Variants in UTP20 observed in about 807,000 individuals in gnomAD.
The protein encoded by UTP20 is UTP20 small subunit processome component.
In UTP20, 164 loss-of-function variants were observed where a neutral mutation model predicts 329.5. The observed-to-expected ratio is 0.50, with a 90% CI of 0.44 to 0.57. UTP20 has a LOEUF of 0.57. Among genes scored for constraint, UTP20 ranks in the 20% least tolerant of loss-of-function variants. UTP20 has a pLI of 0.00. For synonymous variants in UTP20, 1,151 were observed against 1,159.3 expected (o/e 0.99, Z 0.14); for missense variants, 3,055 against 3,284.2 (o/e 0.93, Z 1.71).
intron 3 of UTP20, 49 bp downstream of exon 3, chr12:101,285,685 T>C: frequency 6.2e-7 from 1 of 1,613,638 alleles, no homozygotes; most frequent in Non-Finnish European, 8.5e-7. Flanking sequence ...TTGCACTTTA[T>C]ATGTTCCATA....
chr12:101,295,425 ATCTTC>A, intron 11 of UTP20, 50 bp from the exon 12 acceptor site: 1 of 1,449,882 alleles, frequency 6.9e-7, no homozygotes, highest in Non-Finnish European at 9.2e-7. Flanking sequence ...AATTGTTAGC[ATCTTC>A]TCTTTATTAT....
Position 101,373,601 on chromosome 12 carries a change from A to G in UTP20, c.6965A>G (p.Asn2322Ser), listed in dbSNP as rs199641573. ...TTCTTTTAGGGGCTGCTCCATGAGA[A>G]CTGCGGAATGTTCTTTATCCCTCTT... Reference protein sequence around the residue: ...DTFPQGLLHENCGMFFIPLCL... With the variant: ...DTFPQGLLHESCGMFFIPLCL... Residue 2322 changes from asparagine (N) to serine (S), a missense_variant, in exon 54 of 62, where the codon AAC becomes AGC. By Grantham distance (46) the Asn-to-Ser change is conservative (BLOSUM62 1). Around this residue, in one of 3 missense-constraint regions of UTP20, gnomAD observed 273 missense variants for 363.1 expected, o/e 0.75. Transcript: ENST00000261637. The G allele has an allele frequency of 2.5e-6, 4 of 1,611,254 alleles. No homozygotes were observed. The highest frequency in any genetic ancestry group is 4.5e-5 in the East Asian group (2 of 44,850).
At chr12:101,296,487 C>A (rs927219081) in intron 12 of UTP20, among the ~76,000 whole-genome samples, 1 of 151,166 alleles carries the variant, frequency 6.6e-6, no homozygotes, top group Non-Finnish European at 1.5e-5. Flanking sequence ...AGGAGAATGG[C>A]GTGAACCCGG....
intron 28 of UTP20, 133 bp from the exon 29 acceptor site, chr12:101,334,292 G>T (rs1593437295): frequency 4.4e-6 from 3 of 678,600 alleles, no homozygotes; most frequent in South Asian, 2.1e-5. Flanking sequence ...TTCTTATTGT[G>T]TCATTTGGAT....
At chr12:101,329,593 T>C (rs1042907496) in intron 27 of UTP20, 144 bp downstream of exon 27, 3 of 754,842 alleles carry the variant, frequency 4.0e-6, no homozygotes, top group African/African-American at 3.5e-5. Flanking sequence ...TTGTAAATGA[T>C]TTAAGTGAAA....
Position 101,370,719 on chromosome 12 carries a change from C to T in UTP20, c.6687+156C>T, listed in dbSNP as rs374732395. Among the ~76,000 whole-genome samples, 4 of 152,306 alleles carry T rather than the reference C, an allele frequency of 2.6e-5. No individual in the cohort carries two copies. The East Asian group carries it at 5.8e-4, about 22-fold the overall frequency. On this transcript the variant is annotated intron_variant, in intron 50 of 61. Transcript: ENST00000261637. ...TTTTGGTGGGTCAATTACAGGTGAA[C>T]ATTTGCTTATGAAAAATGTTTAAAT...
Position 101,290,162 on chromosome 12 carries a change from A to G in UTP20, c.623A>G (p.Asn208Ser), listed in dbSNP as rs974542710. ...RKVSDKNALF[N>S]LMFLDLDKHP... ...GTCTCTGATAAAAACGCACTTTTCA[A>G]TTTAATGTTTCTTGATCTTGATAAA... Residue 208 changes from asparagine (N) to serine (S), a missense_variant, in exon 7 of 62, where the codon AAT (asparagine) becomes AGT (serine). Transcript: ENST00000261637. 2 of 1,600,934 alleles carry G rather than the reference A, an allele frequency of 1.2e-6. No homozygotes were observed. The highest frequency in any genetic ancestry group is 1.7e-6 in the Non-Finnish European group (2 of 1,172,900).
intron 37 of UTP20, 105 bp from the exon 38 acceptor site, chr12:101,346,346 G>A: frequency 7.3e-7 from 1 of 1,363,926 alleles, no homozygotes; most frequent in Non-Finnish European, 9.8e-7. Context: ...CACCGCACCT[G>A]GCCACTCCTT....
At chr12:101,343,466 T>G (rs527572452) in intron 35 of UTP20, among the ~76,000 whole-genome samples, 1 of 152,266 alleles carries the variant, frequency 6.6e-6, no homozygotes, top group African/African-American at 2.4e-5. Flanking sequence ...CTGGAATTAG[T>G]GGTGATGATC....
rs1206682656 is a variant in UTP20, at chr12:101,377,242, C to T, written c.7396+1486C>T. ...GATTATTACAAAGATTCATGTAGAT[C>T]AAAAGTAAAAACATGTCTATGAAAT... On this transcript the variant is annotated intron_variant, in intron 56 of 61. Transcript: ENST00000261637. Among the ~76,000 whole-genome samples, 3 of 152,228 alleles carry T rather than the reference C, an allele frequency of 2.0e-5. No individual in the cohort carries two copies. The South Asian group carries it at 6.2e-4, about 32-fold the overall frequency.
In UTP20 at chr12:101,289,358, CAG is replaced by C. The variant is rs1872063640; in HGVS notation, c.597+320_597+321del. Among the ~76,000 whole-genome samples, 6 of 148,900 alleles carry C rather than the reference CAG, an allele frequency of 4.0e-5. No individual in the cohort carries two copies. The South Asian group carries it at 1.3e-3, about 32-fold the overall frequency. On this transcript the variant is annotated intron_variant, in intron 6 of 61. Coordinates refer to ENST00000261637, the MANE Select transcript of UTP20 (RefSeq NM_014503.3). The stretch of plus-strand genomic sequence containing the variant: ...CACCACTGCACTCCAGCCTAGGCGA[CAG>C]AGCAAGACTCCATATCACACACACA...
intron 2 of UTP20, among the ~76,000 whole-genome samples, chr12:101,283,157 A>C (rs138001154): frequency 6.6e-6 from 1 of 152,272 alleles, no homozygotes; most frequent in East Asian, 1.9e-4. Context: ...GAATATGATT[A>C]ATAATTTAAG....
intron 25 of UTP20, among the ~76,000 whole-genome samples, chr12:101,324,606 A>G (rs914989811): frequency 1.3e-5 from 2 of 152,166 alleles, no homozygotes; most frequent in African/African-American, 4.8e-5. Context: ...ATATCCATGT[A>G]TAATTGACTC....
In UTP20 at chr12:101,386,214, T is replaced by TTG; in HGVS notation, c.*92_*93insGT. 3 of 750,666 alleles carry TTG rather than the reference T, an allele frequency of 4.0e-6. No individual in the cohort carries two copies. Among genetic ancestry groups the TTG allele is most frequent in the Non-Finnish European group, 5.6e-6 (3 of 536,622 alleles). 46.5% of individuals were successfully genotyped at this position (750,666 alleles called of 1,614,324 possible). A position where few individuals can be genotyped will look rare whatever the true frequency, so the allele number is the denominator to read the frequency against. Reference sequence around the variant, plus strand: ...GTTGTCTGGGGTAGGGGGGAGGCGTTTTTTTTTTTTTTTGAGACAAGGTCT... The same window carrying TTG: ...GTTGTCTGGGGTAGGGGGGAGGCGTTTGTTTTTTTTTTTTTGAGACAAGGTCT... On this transcript the variant is annotated 3_prime_UTR_variant, in exon 62 of 62. Transcript: ENST00000261637.
Position 101,365,555 on chromosome 12 carries a change from G to A in UTP20, c.6055G>A (p.Ala2019Thr). The A allele has an allele frequency of 6.2e-7, 1 of 1,613,022 alleles. No homozygotes were observed. The highest frequency in any genetic ancestry group is 8.5e-7 in the Non-Finnish European group (1 of 1,179,694). ...ATTAATTGTAAATCAGGAAATGACA[G>A]CTGAATCCATTCTATTACTCAGTTA... Reference protein sequence around the residue: ...VGLIVNQEMTAESILLLSYGL... With the variant: ...VGLIVNQEMTTESILLLSYGL... The change falls in exon 46 of 62, where the codon GCT becomes ACT. Residue 2019 changes from alanine (A) to threonine (T), a missense_variant. By Grantham distance (58) the Ala-to-Thr change is moderately conservative. This residue lies in a region of UTP20 where 2,445 missense variants were observed against 2,575.5 expected (regional missense o/e 0.95). Transcript: ENST00000261637.
Position 101,333,305 on chromosome 12 carries a change from A to G in UTP20, c.3422A>G (p.Gln1141Arg), listed in dbSNP as rs774047938. 1.9e-6 allele frequency: 3 copies of G among 1,613,092 alleles called. No homozygotes were observed. The highest frequency in any genetic ancestry group is 1.7e-6 in the Non-Finnish European group (2 of 1,179,642). ...SHILDQREKI[Q>R]LRFINPLKNL... ...CAGAAGATCTTTGTTTTACAGATACAGCTGAGATTTATTAATCCATTGAAA... is the reference window on the plus strand; with the variant it reads ...CAGAAGATCTTTGTTTTACAGATACGGCTGAGATTTATTAATCCATTGAAA... Residue 1141 changes from glutamine to arginine, a missense_variant, in exon 28 of 62, where the codon CAG (glutamine) becomes CGG (arginine). Physicochemically the swap from Gln to Arg is conservative, Grantham distance 43. Coordinates refer to ENST00000261637, the MANE Select transcript of UTP20 (RefSeq NM_014503.3).
chr12:101,288,650 A>T (rs1872036038), intron 5 of UTP20, among the ~76,000 whole-genome samples: 1 of 152,136 alleles, frequency 6.6e-6, no homozygotes, highest in South Asian at 2.1e-4. Flanking sequence ...TCTTGCTTTT[A>T]TACCAATAAT....
At position 101,365,612 on chromosome 12, in the gene UTP20, A is replaced by C. The variant is rs776389782; in HGVS notation, c.6112A>C (p.Thr2038Pro). The C allele has an allele frequency of 6.4e-7, 1 of 1,566,618 alleles. No homozygotes were observed. ...GLISENLPLL[T>P]EKEKNPVAPA... ...GATCAGTGAAAATCTTCCCCTGTTA[A>C]CAGAGAAAGAAAAGTAAGTTGGAAA... Residue 2038 changes from threonine (T) to proline (P), a missense_variant, in exon 46 of 62, where the codon ACA (threonine) becomes CCA (proline). By Grantham distance (38) the Thr-to-Pro change is conservative. This residue lies in a region of UTP20 where 2,445 missense variants were observed against 2,575.5 expected (regional missense o/e 0.95). Coordinates refer to ENST00000261637, the MANE Select transcript of UTP20 (RefSeq NM_014503.3).
chr12:101,350,769 G>A (rs1196655774), intron 38 of UTP20, among the ~76,000 whole-genome samples: 4 of 152,064 alleles, frequency 2.6e-5, no homozygotes, highest in African/African-American at 9.7e-5. Context: ...GGTCTTTGAT[G>A]ATTGTTTTGC....
Sources: gnomAD v4.1 joint callset for allele counts (sites outside exome capture counted in the v4.1 genomes callset) on GRCh38, gnomAD v4.1.1 for gene constraint, gnomAD v4.1.1 regional missense constraint, MANE v1.5 for transcripts, NCBI Gene and HGNC (gene_info 2026-07-23, HGNC 2026-07-21) for gene names.